SWT1: variants seen among roughly 807,000 people sequenced by gnomAD.
The protein encoded by SWT1 is transcriptional protein SWT1.
A neutral mutation model predicts 107.3 loss-of-function variants in SWT1; 33 were observed. The observed-to-expected ratio is 0.31, with a 90% CI of 0.23 to 0.41. The LOEUF (loss-of-function observed/expected upper bound fraction) is 0.41, where lower values mean the gene tolerates loss of function less well. Ranked by LOEUF, SWT1 falls within the 10% of genes least tolerant of loss-of-function variation. The pLI is 1.00. For synonymous variants in SWT1, 345 were observed against 348.3 expected, an observed-to-expected ratio of 0.99 and a Z score of 0.11; for missense variants, 898 against 1,028.9, an observed-to-expected ratio of 0.87 and a Z score of 1.74.
chr1:185,159,036 C>T (rs919852219), intron 1 of SWT1, among the ~76,000 whole-genome samples: 4 of 152,184 alleles, frequency 2.6e-5, no homozygotes, highest in Non-Finnish European at 4.4e-5. Context: ...CCTTGCGAGC[C>T]TTTCCATGGG....
At chr1:185,215,715 A>G (rs1659167245) in intron 14 of SWT1, among the ~76,000 whole-genome samples, 1 of 151,968 alleles carries the variant, frequency 6.6e-6, no homozygotes, top group Admixed American at 6.6e-5. Context: ...AATTGTTCAT[A>G]TTTTTAGTAG....
intron 4 of SWT1, chr1:185,171,772 C>T (rs1655090359): frequency 2.5e-6 from 1 of 402,512 alleles, no homozygotes; most frequent in Non-Finnish European, 4.8e-6. Context: ...AGTGCAGTGG[C>T]ACAGTCTCGG....
intron 4 of SWT1, among the ~76,000 whole-genome samples, chr1:185,169,084 TCA>T (rs1413744122): frequency 1.3e-5 from 2 of 152,228 alleles, no homozygotes; most frequent in East Asian, 3.9e-4. Flanking sequence ...CCAAACAATC[TCA>T]GTTAGTGTTT....
chr1:185,213,623 G>A (rs1216656534), intron 13 of SWT1, among the ~76,000 whole-genome samples: 2 of 152,114 alleles, frequency 1.3e-5, no homozygotes, highest in African/African-American at 4.8e-5. Context: ...GAATACAATA[G>A]AGTCTCTGAA....
chr1:185,176,442 A>T (rs1655567456), intron 5 of SWT1: 1 of 387,884 alleles, frequency 2.6e-6, no homozygotes. Flanking sequence ...GAGCTACATG[A>T]GCAGGGATCT....
intron 13 of SWT1, among the ~76,000 whole-genome samples, chr1:185,209,230 A>G (rs1382191344): frequency 6.6e-6 from 1 of 151,840 alleles, no homozygotes; most frequent in Non-Finnish European, 1.5e-5. Context: ...TTATTTATTT[A>G]TTTATTTATT....
At chr1:185,163,686 A>T (rs1654348600) in intron 2 of SWT1, among the ~76,000 whole-genome samples, 1 of 152,110 alleles carries the variant, frequency 6.6e-6, no homozygotes, top group Non-Finnish European at 1.5e-5. Context: ...GAGCCACCGC[A>T]CCCAGCCCCC....
chr1:185,221,050 GACAC>G (rs59643566), intron 14 of SWT1, among the ~76,000 whole-genome samples: 8,768 of 149,596 alleles, frequency 0.059, 422 homozygotes, highest in African/African-American at 0.13. Context: ...CGTGCACACA[GACAC>G]ACACACACAC....
intron 9 of SWT1, among the ~76,000 whole-genome samples, chr1:185,189,706 A>G (rs1250929387): frequency 2.0e-5 from 3 of 151,914 alleles, no homozygotes; most frequent in Non-Finnish European, 4.4e-5. Context: ...TAAATCCACA[A>G]CTGTATGCTA....
Position 185,271,202 on chromosome 1 carries a change from G to A in SWT1, c.2442-121G>A, listed in dbSNP as rs945722240. ...TGATTTTTAAAAATATTATAAACCT[G>A]TAAGCTTATTAAACAATAAGTTACC... On this transcript the variant is annotated intron_variant, in intron 16 of 18. Coordinates refer to ENST00000367500, the MANE Select transcript of SWT1 (RefSeq NM_017673.7). The A allele has an allele frequency of 4.8e-6, 3 of 623,754 alleles. No individual in the cohort carries two copies. The Admixed American group carries it at 9.7e-5, about 20-fold the overall frequency. The allele number at this position is 623,754 out of a possible 1,614,324, so 38.6% of individuals were successfully genotyped here.
chr1:185,176,494 G>C, intron 5 of SWT1: 1 of 880,496 alleles, frequency 1.1e-6, no homozygotes, highest in Non-Finnish European at 1.4e-6. Flanking sequence ...TTAAAATTAT[G>C]TAATGTAATT....
At chr1:185,286,716 G>T (rs1390136648) in intron 18 of SWT1, among the ~76,000 whole-genome samples, 1 of 152,010 alleles carries the variant, frequency 6.6e-6, no homozygotes, top group East Asian at 1.9e-4. Context: ...CAGTTATTTT[G>T]TGACTTCTTT....
At chr1:185,264,326 G>C (rs949923162) in intron 16 of SWT1, 4 of 984,584 alleles carry the variant, frequency 4.1e-6, no homozygotes, top group Admixed American at 1.2e-4. Context: ...ACTAAGGAGA[G>C]AAGACCATTA....
chr1:185,283,441 T>A (rs1449223921), intron 18 of SWT1, among the ~76,000 whole-genome samples: 1 of 152,230 alleles, frequency 6.6e-6, no homozygotes. Context: ...TTGTGCAGTA[T>A]CTTCTATCTT....
At chr1:185,205,569 AT>A (rs891541061) in intron 12 of SWT1, among the ~76,000 whole-genome samples, 52 of 152,234 alleles carry the variant, frequency 3.4e-4, no homozygotes, top group African/African-American at 1.3e-3. Flanking sequence ...AGGTTTCACC[AT>A]GTTGGTCAGG....
At chr1:185,210,839 C>T (rs1042904858) in intron 13 of SWT1, among the ~76,000 whole-genome samples, 1 of 152,166 alleles carries the variant, frequency 6.6e-6, no homozygotes, top group Non-Finnish European at 1.5e-5. Flanking sequence ...TAAGCAACTT[C>T]AGCAAAGTCT....
intron 2 of SWT1, among the ~76,000 whole-genome samples, chr1:185,161,361 G>A (rs189448157): frequency 6.6e-6 from 1 of 152,216 alleles, no homozygotes; most frequent in East Asian, 1.9e-4. Context: ...CTAATATTGG[G>A]GAAGACATAC....
intron 16 of SWT1, among the ~76,000 whole-genome samples, chr1:185,271,057 C>T (rs887670713): frequency 6.6e-6 from 1 of 152,058 alleles, no homozygotes; most frequent in Non-Finnish European, 1.5e-5. Flanking sequence ...TATAACTTCA[C>T]GTGTAAGAAT....
chr1:185,225,014 A>T (rs1659944385), intron 15 of SWT1, among the ~76,000 whole-genome samples: 1 of 151,788 alleles, frequency 6.6e-6, no homozygotes, highest in Admixed American at 6.6e-5. Context: ...TGGTAAAAGT[A>T]GGTGTTCTTG....
Sources: allele counts gnomAD v4.1 joint callset (sites outside exome capture counted in the v4.1 genomes callset), GRCh38; gene constraint gnomAD v4.1.1; transcripts MANE v1.5; gene names NCBI Gene and HGNC (gene_info 2026-07-23, HGNC 2026-07-21).